Variants in RBFOX1 observed in about 807,000 individuals in gnomAD.
The protein encoded by RBFOX1 is RNA binding protein fox-1 homolog 1.
RBFOX1 carries 8 observed loss-of-function variants against 57.7 expected under a neutral mutation model. The observed-to-expected ratio is 0.14, with a 90% CI of 0.08 to 0.25. RBFOX1 has a LOEUF of 0.25. Among genes scored for constraint, RBFOX1 ranks in the 10% least tolerant of loss-of-function variants. The pLI is 1.00. For synonymous variants in RBFOX1, 326 were observed against 222.4 expected (o/e 1.47, Z -4.15); for missense variants, 611 against 548.5 (o/e 1.11, Z -1.14).
intron 1 of RBFOX1, among the ~76,000 whole-genome samples, chr16:6,206,706 C>T (rs2097257591): frequency 6.6e-6 from 1 of 152,136 alleles, no homozygotes; most frequent in Admixed American, 6.5e-5. Flanking sequence ...TACTCATCAC[C>T]CAGCTTCCCC....
At chr16:7,612,272 G>C (rs1286732285) in intron 10 of RBFOX1, among the ~76,000 whole-genome samples, 1 of 138,566 alleles carries the variant, frequency 7.2e-6, no homozygotes, top group Non-Finnish European at 1.5e-5. Flanking sequence ...AGTGAGCCCA[G>C]ATCGCGCCAC....
At chr16:6,721,070 G>A (rs2065894129) in intron 3 of RBFOX1, among the ~76,000 whole-genome samples, 1 of 152,132 alleles carries the variant, frequency 6.6e-6, no homozygotes, top group Non-Finnish European at 1.5e-5. Context: ...GTAGAATATT[G>A]CCTCTTCTGA....
At chr16:7,206,346 A>G (rs2089965550) in intron 4 of RBFOX1, among the ~76,000 whole-genome samples, 1 of 151,988 alleles carries the variant, frequency 6.6e-6, no homozygotes, top group South Asian at 2.1e-4. Context: ...TTGCCTTGCC[A>G]AGTAAGCCTA....
At position 6,452,979 on chromosome 16, in the gene RBFOX1, G is replaced by A. The variant is rs919493238; in HGVS notation, c.-64+135922G>A. Among the ~76,000 whole-genome samples, 9 of 152,234 alleles carry A rather than the reference G, an allele frequency of 5.9e-5. No homozygotes were observed. The South Asian group carries it at 1.0e-3, about 18-fold the overall frequency. On this transcript the variant is annotated intron_variant, in intron 2 of 15. Transcript: ENST00000550418. ...GTATAACTTCTGTATGATGTTCAGC[G>A]TTGCTTTGGGGCAACACTGCAGGCA...
At chr16:7,444,077 C>G (rs1382812475) in intron 4 of RBFOX1, among the ~76,000 whole-genome samples, 1 of 152,192 alleles carries the variant, frequency 6.6e-6, no homozygotes, top group African/African-American at 2.4e-5. Context: ...TTAAACAAGA[C>G]CACACATGTG....
At chr16:6,909,069 T>A (rs372832633) in intron 3 of RBFOX1, among the ~76,000 whole-genome samples, 1 of 152,210 alleles carries the variant, frequency 6.6e-6, no homozygotes, top group East Asian at 1.9e-4. Context: ...TAGGTGTAAT[T>A]TAAAACAACA....
chr16:6,377,451 G>A (rs989856779), intron 2 of RBFOX1, among the ~76,000 whole-genome samples: 5 of 152,132 alleles, frequency 3.3e-5, no homozygotes, highest in African/African-American at 1.2e-4. Context: ...CCAACCCAGT[G>A]TACAAGGCAG....
At chr16:5,707,548 A>G (rs2051298261) in intron 3 of RBFOX1, among the ~76,000 whole-genome samples, 1 of 152,172 alleles carries the variant, frequency 6.6e-6, no homozygotes, top group Admixed American at 6.5e-5. Context: ...AATCATTGAG[A>G]TAGGCAAATA....
At chr16:7,062,967 G>C (rs183966936) in intron 4 of RBFOX1, among the ~76,000 whole-genome samples, 1 of 112,860 alleles carries the variant, frequency 8.9e-6, no homozygotes, top group African/African-American at 3.4e-5. Flanking sequence ...TTCTGTGATC[G>C]AAGAATCCCT....
chr16:5,479,387 A>G (rs2069442883), intron 2 of RBFOX1, among the ~76,000 whole-genome samples: 1 of 151,856 alleles, frequency 6.6e-6, no homozygotes, highest in South Asian at 2.1e-4. Context: ...TGGGGTTTGA[A>G]CCCTCTCTGA....
chr16:7,603,327 T>C (rs112601958), intron 9 of RBFOX1, among the ~76,000 whole-genome samples: 1 of 152,310 alleles, frequency 6.6e-6, no homozygotes, highest in African/African-American at 2.4e-5. Context: ...ATGCTTACTT[T>C]GCCAAACAAC....
chr16:5,918,408 C>A (rs980406470), intron 4 of RBFOX1, among the ~76,000 whole-genome samples: 1 of 152,222 alleles, frequency 6.6e-6, no homozygotes, highest in Non-Finnish European at 1.5e-5. Flanking sequence ...GCGAGAGCAA[C>A]CACGCCCAGC....
intron 2 of RBFOX1, among the ~76,000 whole-genome samples, chr16:6,487,392 C>T (rs2095508599): frequency 6.6e-6 from 1 of 151,832 alleles, no homozygotes; most frequent in African/African-American, 2.4e-5. Context: ...GGGAGGGTCT[C>T]CATTTCTTGT....
In RBFOX1 at chr16:7,396,458, T is replaced by C. The variant is rs115735147; in HGVS notation, c.28-121689T>C. On this transcript the variant is annotated intron_variant, in intron 4 of 15. Coordinates refer to ENST00000550418, the MANE Select transcript of RBFOX1 (RefSeq NM_018723.4). The stretch of plus-strand genomic sequence containing the variant: ...CAGACTCCCACCCTGAAGGTTTTTA[T>C]TGCCATTTCTGCGCTTCCCTACACG... 3.7e-3 allele frequency among the ~76,000 whole-genome samples: 566 copies of C among 151,904 alleles called. 2 individuals are homozygous for C. The highest frequency in any genetic ancestry group is 0.013 in the African/African-American group (537 of 41,436).
chr16:6,840,023 C>G (rs982809070), intron 3 of RBFOX1, among the ~76,000 whole-genome samples: 1 of 152,024 alleles, frequency 6.6e-6, no homozygotes, highest in South Asian at 2.1e-4. Flanking sequence ...CAACTATGGA[C>G]CCTGGGAAGG....
intron 4 of RBFOX1, among the ~76,000 whole-genome samples, chr16:7,248,877 C>T (rs1226769477): frequency 1.3e-5 from 2 of 152,166 alleles, no homozygotes; most frequent in Non-Finnish European, 2.9e-5. Context: ...TACCTATATA[C>T]ATAACAAGGC....
chr16:6,274,220 G>A (rs1382298539), intron 1 of RBFOX1, among the ~76,000 whole-genome samples: 2 of 152,130 alleles, frequency 1.3e-5, no homozygotes, highest in African/African-American at 2.4e-5. Flanking sequence ...CAGAGACATG[G>A]AAACATGTTC....
intron 2 of RBFOX1, among the ~76,000 whole-genome samples, chr16:6,464,911 G>A (rs1013291419): frequency 5.9e-5 from 9 of 152,192 alleles, no homozygotes; most frequent in African/African-American, 1.9e-4. Flanking sequence ...GAGATCCCGG[G>A]GGCAATTCTG....
At chr16:6,953,480 G>A (rs911015892) in intron 3 of RBFOX1, among the ~76,000 whole-genome samples, 1 of 152,026 alleles carries the variant, frequency 6.6e-6, no homozygotes, top group African/African-American at 2.4e-5. Flanking sequence ...CCACCTCCTG[G>A]GTTCAAGCGA....
Sources: gnomAD v4.1 joint callset for allele counts (sites outside exome capture counted in the v4.1 genomes callset) on GRCh38, gnomAD v4.1.1 for gene constraint, MANE v1.5 for transcripts, NCBI Gene and HGNC (gene_info 2026-07-23, HGNC 2026-07-21) for gene names.